GRID2: variants seen among roughly 807,000 people sequenced by gnomAD.
GRID2 encodes glutamate ionotropic receptor delta type subunit 2.
A neutral mutation model predicts 114.8 loss-of-function variants in GRID2; 33 were observed. The observed-to-expected ratio is 0.29, with a 90% CI of 0.22 to 0.38. GRID2 has a LOEUF of 0.38. Among genes scored for constraint, GRID2 ranks in the 10% least tolerant of loss-of-function variants. The probability of loss-of-function intolerance (pLI) is 1.00; values close to 1 mark genes in which losing one functional copy is unlikely to be tolerated. For synonymous variants in GRID2, 505 were observed against 449.9 expected, an observed-to-expected ratio of 1.12 and a Z score of -1.55; for missense variants, 1,184 against 1,257.7, an observed-to-expected ratio of 0.94 and a Z score of 0.89.
chr4:92,756,609 T>C (rs931356304), intron 2 of GRID2, among the ~76,000 whole-genome samples: 1 of 152,190 alleles, frequency 6.6e-6, no homozygotes, highest in Non-Finnish European at 1.5e-5. Flanking sequence ...CCAGTATTAA[T>C]GTCTTTTTGA....
intron 2 of GRID2, among the ~76,000 whole-genome samples, chr4:92,791,285 A>G (rs913630697): frequency 6.6e-6 from 1 of 151,768 alleles, no homozygotes; most frequent in African/African-American, 2.4e-5. Flanking sequence ...CCAGTATCAC[A>G]TTAACAAACA....
At chr4:93,761,344 T>C (rs562726167) in intron 14 of GRID2, among the ~76,000 whole-genome samples, 15 of 152,236 alleles carry the variant, frequency 9.9e-5, no homozygotes, top group Non-Finnish European at 2.2e-4. Flanking sequence ...TGAGAACTTA[T>C]TGGCTTATAG....
intron 1 of GRID2, among the ~76,000 whole-genome samples, chr4:92,507,524 C>A (rs1466230614): frequency 6.6e-6 from 1 of 151,452 alleles, no homozygotes; most frequent in Non-Finnish European, 1.5e-5. Context: ...TTCCTCATAA[C>A]CCCTATGTAG....
chr4:93,735,464 T>C (rs190369501), intron 14 of GRID2, among the ~76,000 whole-genome samples: 1 of 152,118 alleles, frequency 6.6e-6, no homozygotes, highest in Non-Finnish European at 1.5e-5. Context: ...TAAAAAAAAA[T>C]CACCAACTCT....
At chr4:93,101,417 A>C (rs1731693733) in intron 3 of GRID2, among the ~76,000 whole-genome samples, 1 of 151,900 alleles carries the variant, frequency 6.6e-6, no homozygotes. Flanking sequence ...CCATTCCCTT[A>C]ACCCCTCTAC....
intron 1 of GRID2, among the ~76,000 whole-genome samples, chr4:92,520,746 A>G (rs1282663238): frequency 6.6e-6 from 1 of 151,934 alleles, no homozygotes; most frequent in Non-Finnish European, 1.5e-5. Context: ...GCTAATTCAG[A>G]TGCGTGAGGA....
intron 14 of GRID2, among the ~76,000 whole-genome samples, chr4:93,716,885 A>G (rs992766621): frequency 6.6e-6 from 1 of 152,114 alleles, no homozygotes; most frequent in East Asian, 1.9e-4. Flanking sequence ...CTCTAGATCA[A>G]TGCAAATTTT....
At chr4:92,575,073 C>T (rs1727818732) in intron 1 of GRID2, among the ~76,000 whole-genome samples, 1 of 152,076 alleles carries the variant, frequency 6.6e-6, no homozygotes, top group Non-Finnish European at 1.5e-5. Flanking sequence ...TCTTCAAGTT[C>T]AGAAAGTCTT....
intron 8 of GRID2, among the ~76,000 whole-genome samples, chr4:93,364,210 A>G (rs1399135011): frequency 6.6e-6 from 1 of 152,096 alleles, no homozygotes; most frequent in African/African-American, 2.4e-5. Context: ...AACTAGTGCT[A>G]TTTTTATTTG....
chr4:93,439,501 A>T (rs777561378), intron 10 of GRID2, among the ~76,000 whole-genome samples: 20 of 152,100 alleles, frequency 1.3e-4, no homozygotes, highest in Non-Finnish European at 2.5e-4. Context: ...GTCTAGGAAC[A>T]ATTAGTCAGT....
intron 13 of GRID2, among the ~76,000 whole-genome samples, chr4:93,623,573 T>C (rs546307066): frequency 1.3e-5 from 2 of 152,274 alleles, no homozygotes; most frequent in South Asian, 4.1e-4. Context: ...TAGCAAAGAC[T>C]TGGAACCAAC....
At chr4:92,855,018 A>T (rs187642864) in intron 2 of GRID2, among the ~76,000 whole-genome samples, 7 of 152,068 alleles carry the variant, frequency 4.6e-5, no homozygotes, top group Non-Finnish European at 8.8e-5. Flanking sequence ...TTATTCAATA[A>T]AAGTTCTGGC....
chr4:92,384,071 G>A (rs1357965043), intron 1 of GRID2, among the ~76,000 whole-genome samples: 2 of 151,718 alleles, frequency 1.3e-5, no homozygotes, highest in Non-Finnish European at 2.9e-5. Context: ...CTGACAATGT[G>A]TGAGTGAAGT....
chr4:93,387,088 G>C (rs1764390272), intron 8 of GRID2, among the ~76,000 whole-genome samples: 1 of 152,162 alleles, frequency 6.6e-6, no homozygotes, highest in African/African-American at 2.4e-5. Flanking sequence ...AAATCATACA[G>C]AGGTTTTTGA....
rs149898598 is a variant in GRID2, at chr4:92,697,648, G to A, written c.244+107362G>A. Among the ~76,000 whole-genome samples, 67 of 152,188 alleles carry A rather than the reference G, an allele frequency of 4.4e-4. 1 individual carries two copies. The highest frequency in any genetic ancestry group is 1.4e-3 in the African/African-American group (59 of 41,534). ...ATATGTGAGCTTTTTTGACAGAAAA[G>A]TCAATACAAATAGCCATAGGTAAGG... On this transcript the variant is annotated intron_variant, in intron 2 of 15. Coordinates refer to ENST00000282020, the MANE Select transcript of GRID2 (RefSeq NM_001510.4).
At chr4:93,348,725 G>A (rs997846606) in intron 8 of GRID2, among the ~76,000 whole-genome samples, 3 of 152,092 alleles carry the variant, frequency 2.0e-5, no homozygotes, top group African/African-American at 7.2e-5. Flanking sequence ...CCTCTGCTTA[G>A]CATATTCTGG....
chr4:92,787,819 C>T (rs1016080885), intron 2 of GRID2, among the ~76,000 whole-genome samples: 21 of 151,786 alleles, frequency 1.4e-4, no homozygotes, highest in East Asian at 5.9e-4. Context: ...CTGCCTCCTA[C>T]GGTGATAGAA....
chr4:93,726,781 C>A (rs1050877044), intron 14 of GRID2, among the ~76,000 whole-genome samples: 1 of 152,084 alleles, frequency 6.6e-6, no homozygotes, highest in Non-Finnish European at 1.5e-5. Flanking sequence ...ATTTGGCTCT[C>A]TGTTTGTCTG....
intron 2 of GRID2, among the ~76,000 whole-genome samples, chr4:93,032,452 A>G (rs1724527833): frequency 6.6e-6 from 1 of 152,160 alleles, no homozygotes; most frequent in Admixed American, 6.5e-5. Flanking sequence ...TATGATATTG[A>G]ATTTTTGCAG....
Sources: allele counts gnomAD v4.1 joint callset (sites outside exome capture counted in the v4.1 genomes callset), GRCh38; gene constraint gnomAD v4.1.1; transcripts MANE v1.5; gene names NCBI Gene and HGNC (gene_info 2026-07-23, HGNC 2026-07-21).